The following CHAD variants were observed in gnomAD, a reference collection of about 807,000 sequenced individuals.
The protein encoded by CHAD is cartilage leucine-rich protein.
A neutral mutation model predicts 24.0 loss-of-function variants in CHAD; 18 were observed. The ratio of observed to expected loss-of-function variants is 0.75; its 90% CI spans 0.52 to 1.11. The LOEUF (loss-of-function observed/expected upper bound fraction) is 1.11, where lower values mean the gene tolerates loss of function less well. Ranked by LOEUF, CHAD falls within the 50% of genes most tolerant of loss-of-function variation. The pLI, the probability that CHAD is intolerant of heterozygous loss-of-function variation, is 0.00. For synonymous variants in CHAD, 195 were observed against 211.6 expected, an observed-to-expected ratio of 0.92 and a Z score of 0.68; for missense variants, 440 against 467.2, an observed-to-expected ratio of 0.94 and a Z score of 0.54.
In CHAD at chr17:50,465,720, G is replaced by A. The variant is rs138200891; in HGVS notation, c.925C>T (p.Arg309Trp). The A allele has an allele frequency of 4.0e-5, 65 of 1,613,508 alleles. No individual in the cohort carries two copies. The highest frequency in any genetic ancestry group is 1.5e-4 in the South Asian group (14 of 91,042). Residue 309 changes from arginine (R) to tryptophan (W), a missense_variant, in exon 2 of 4, where the codon CGG becomes TGG. Transcript: ENST00000508540. ...NNPWKCTCQLRGLRRWLEAKA... is the reference protein window; with the variant it reads ...NNPWKCTCQLWGLRRWLEAKA... ...AAGTGTTCTTACCGCCGAAGGCCCC[G>A]GAGCTGGCAGGTACACTTCCAGGGG...
rs577577426 is a variant in CHAD, at chr17:50,464,771, G to C, written c.*283C>G. The C allele has an allele frequency of 6.7e-5, 22 of 328,800 alleles. No homozygotes were observed. The highest frequency in any genetic ancestry group is 3.3e-4 in the South Asian group (15 of 44,828). The allele number at this position is 328,800 out of a possible 1,614,324, so 20.4% of individuals were successfully genotyped here. ...ACCTGTTGTGGTTCTGATTGACTTG[G>C]GGGGGGGGTCTCAGCAACAGCTTCT... On this transcript the variant is annotated 3_prime_UTR_variant, in exon 4 of 4. Transcript: ENST00000508540.
rs753937932 is a variant in CHAD at position 50,465,857 on chromosome 17, G to C, written c.788C>G (p.Ala263Gly). 6.8e-6 allele frequency: 11 copies of C among 1,613,768 alleles called. No individual in the cohort carries two copies. The East Asian group carries it at 1.1e-4, about 16-fold the overall frequency. ...NTNLEKFSDGAFLGVTTLKHV... is the reference protein window; with the variant it reads ...NTNLEKFSDGGFLGVTTLKHV... ...TTTCAGCGTGGTTACACCCAGGAAG[G>C]CACCATCTGAGAACTGGGGAGCAAG... Residue 263 changes from alanine (A) to glycine (G), a missense_variant, in exon 2 of 4, where the codon GCC becomes GGC. Transcript: ENST00000508540.
At chr17:50,467,241 G>A (rs946659759) in intron 1 of CHAD, among the ~76,000 whole-genome samples, 1 of 152,208 alleles carries the variant, frequency 6.6e-6, no homozygotes, top group African/African-American at 2.4e-5. Context: ...GTCTAGTGAC[G>A]GAGGAGGGCA....
rs796246100 is a variant in CHAD, at chr17:50,468,797, A to G, written c.17T>C (p.Leu6Pro). ...AGCCAGGAGGCCGAGGCTGAGCAAG[A>G]GCATTGGGCGGACCATGGCTGGGAC... MVRPM[L>P]LLSLGLLAGL... Residue 6 changes from leucine (L) to proline (P), a missense_variant, in exon 1 of 4, where the codon CTC becomes CCC. By Grantham distance (98) the Leu-to-Pro change is moderately conservative. Transcript: ENST00000508540. The G allele has an allele frequency of 1.3e-6, 2 of 1,551,138 alleles. No homozygotes were observed. The highest frequency in any genetic ancestry group is 2.7e-5 in the African/African-American group (2 of 73,626).
chr17:50,465,166 C>T, intron 3 of CHAD, 117 bp from the exon 4 acceptor site: 1 of 1,129,196 alleles, frequency 8.9e-7, no homozygotes, highest in Non-Finnish European at 1.3e-6. Flanking sequence ...CCAGTCGTCC[C>T]CTCCTCTCTC....
chr17:50,465,987 G>T, intron 1 of CHAD, 117 bp from the exon 2 acceptor site: 1 of 1,110,710 alleles, frequency 9.0e-7, no homozygotes, highest in Non-Finnish European at 1.3e-6. Context: ...ACTTTGAGGA[G>T]TTTCCCAGTT....
At position 50,465,347 on chromosome 17, in the gene CHAD, C is replaced by T. The variant is rs146998244; in HGVS notation, c.1031G>A (p.Arg344His). Residue 344 changes from arginine to histidine, a missense_variant, in exon 3 of 4, where the codon CGC becomes CAC. Transcript: ENST00000508540. The part of the protein sequence containing the change: ...GQHIRDTDAF[R>H]SCKFPTKRSK... ...CCTCTTGGTGGGGAACTTGCAGCTGCGGAAGGCGTCCGTGTCACGGATGTG... is the reference window on the plus strand; with the variant it reads ...CCTCTTGGTGGGGAACTTGCAGCTGTGGAAGGCGTCCGTGTCACGGATGTG... The T allele has an allele frequency of 9.0e-5, 145 of 1,613,894 alleles. No individual in the cohort carries two copies. The highest frequency in any genetic ancestry group is 2.0e-4 in the East Asian group (9 of 44,874).
chr17:50,466,341 A>G (rs1354241660), intron 1 of CHAD, among the ~76,000 whole-genome samples: 1 of 152,094 alleles, frequency 6.6e-6, no homozygotes, highest in Non-Finnish European at 1.5e-5. Flanking sequence ...TACCCGCCTC[A>G]GCCTCCCAAA....
chr17:50,465,577 T>C, intron 2 of CHAD, 130 bp downstream of exon 2: 1 of 1,469,480 alleles, frequency 6.8e-7, no homozygotes, highest in South Asian at 1.3e-5. Context: ...ATGGGGAAAC[T>C]GAGGCTCCCA....
Position 50,468,738 on chromosome 17 carries a change from T to C in CHAD, c.76A>G (p.Asn26Asp). ...LLPALAACPQ[N>D]CHCHSDLQHV... ...TGCAGGTCGCTGTGGCAGTGGCAGT[T>C]CTGGGGGCAGGCGGCCAGCGCCGGC... is the stretch of plus-strand genomic sequence containing the variant. Residue 26 changes from asparagine (N) to aspartate (D), a missense_variant, in exon 1 of 4, where the codon AAC becomes GAC. Transcript: ENST00000508540. 6.2e-7 allele frequency: 1 copy of C among 1,608,420 alleles called. No homozygotes were observed. The highest frequency in any genetic ancestry group is 8.5e-7 in the Non-Finnish European group (1 of 1,179,042).
At position 50,468,878 on chromosome 17, in the gene CHAD, C is replaced by T. The variant is rs959815617; in HGVS notation, c.-65G>A. Reference sequence around the variant, plus strand: ...CGGCGGGGCGCGGGCAGCGGCGAGTCCTAGGCGCTCGGGTCTGCCGCCCTC... The same window carrying T: ...CGGCGGGGCGCGGGCAGCGGCGAGTTCTAGGCGCTCGGGTCTGCCGCCCTC... On this transcript the variant is annotated 5_prime_UTR_variant, in exon 1 of 4. Coordinates refer to ENST00000508540, the MANE Select transcript of CHAD (RefSeq NM_001267.3). 9.0e-6 allele frequency: 13 copies of T among 1,440,612 alleles called. No homozygotes were observed. The South Asian group carries it at 1.8e-4, about 20-fold the overall frequency. 89.2% of individuals were successfully genotyped at this position (1,440,612 alleles called of 1,614,324 possible).
rs1419875592 is a variant in CHAD at position 50,464,509 on chromosome 17, T to A, written c.*545A>T. 1.5e-6 allele frequency: 1 copy of A among 683,602 alleles called. No homozygotes were observed. The highest frequency in any genetic ancestry group is 2.7e-6 in the Non-Finnish European group (1 of 373,746). The allele number at this position is 683,602 out of a possible 1,614,324, so 42.3% of individuals were successfully genotyped here. ...CAGGGGAGTAAATATAATACATACA[T>A]ACATTTATATTTATAGAAATCTCAG... On this transcript the variant is annotated 3_prime_UTR_variant, in exon 4 of 4. Coordinates refer to ENST00000508540, the MANE Select transcript of CHAD (RefSeq NM_001267.3).
rs202242428 is a variant in CHAD at position 50,468,388 on chromosome 17, C to A, written c.426G>T (p.Leu142Phe). The A allele has an allele frequency of 6.2e-7, 1 of 1,614,092 alleles. No individual in the cohort carries two copies. The highest frequency in any genetic ancestry group is 8.5e-7 in the Non-Finnish European group (1 of 1,180,020). ...HNKVTELPRG[L>F]LSPLVNLFIL... ...TGAAGAGGTTGACCAGCGGGGAGAGCAACCCCCGGGGCAGCTCAGTGACCT... is the reference window on the plus strand; with the variant it reads ...TGAAGAGGTTGACCAGCGGGGAGAGAAACCCCCGGGGCAGCTCAGTGACCT... Residue 142 changes from leucine to phenylalanine, a missense_variant, in exon 1 of 4, where the codon TTG (leucine) becomes TTT (phenylalanine). By Grantham distance (22) the Leu-to-Phe change is conservative (BLOSUM62 0). Coordinates refer to ENST00000508540, the MANE Select transcript of CHAD (RefSeq NM_001267.3).
intron 1 of CHAD, among the ~76,000 whole-genome samples, chr17:50,467,411 A>G (rs1490391731): frequency 6.6e-6 from 1 of 152,208 alleles, no homozygotes; most frequent in Non-Finnish European, 1.5e-5. Context: ...CCTTGGTCCC[A>G]CGCCTACTGA....
Position 50,464,519 on chromosome 17 carries a change from T to C in CHAD, c.*535A>G. 1 of 674,314 alleles carries C rather than the reference T, an allele frequency of 1.5e-6. No homozygotes were observed. Among genetic ancestry groups the C allele is most frequent in the East Asian group, 2.9e-5 (1 of 34,762 alleles). The allele number at this position is 674,314 out of a possible 1,614,324, so 41.8% of individuals were successfully genotyped here. A position where few individuals can be genotyped will look rare whatever the true frequency, so the allele number is the denominator to read the frequency against. On this transcript the variant is annotated 3_prime_UTR_variant, in exon 4 of 4. Coordinates refer to ENST00000508540, the MANE Select transcript of CHAD (RefSeq NM_001267.3). ...AATATAATACATACATACATTTATA[T>C]TTATAGAAATCTCAGGAAGAAATTG...
At position 50,468,760 on chromosome 17, in the gene CHAD, C is replaced by CGGCAGCAGACCA; in HGVS notation, c.42_53dup (p.Gly15_Pro18dup). On this transcript the variant is annotated inframe_insertion, in exon 1 of 4. Transcript: ENST00000508540. ...AGTTCTGGGGGCAGGCGGCCAGCGC[C>CGGCAGCAGACCA]GGCAGCAGACCAGCCAGGAGGCCGA... 6.3e-7 allele frequency: 1 copy of CGGCAGCAGACCA among 1,593,274 alleles called. No individual in the cohort carries two copies. The highest frequency in any genetic ancestry group is 8.5e-7 in the Non-Finnish European group (1 of 1,173,592).
In CHAD at chr17:50,464,868, C is replaced by G. The variant is rs1567858634; in HGVS notation, c.*186G>C. 1 of 354,342 alleles carries G rather than the reference C, an allele frequency of 2.8e-6. No homozygotes were observed. The highest frequency in any genetic ancestry group is 5.5e-6 in the Non-Finnish European group (1 of 181,160). The allele number at this position is 354,342 out of a possible 1,614,324, so 21.9% of individuals were successfully genotyped here. On this transcript the variant is annotated 3_prime_UTR_variant, in exon 4 of 4. Transcript: ENST00000508540. ...CTCAGCCTTCCTTCTCCCCAGGACA[C>G]TGCTGGGTGGAGCTGGGTTGGTAGT...
Position 50,464,600 on chromosome 17 carries a change from G to C in CHAD, c.*454C>G, listed in dbSNP as rs1013831362. On this transcript the variant is annotated 3_prime_UTR_variant, in exon 4 of 4. Coordinates refer to ENST00000508540, the MANE Select transcript of CHAD (RefSeq NM_001267.3). ...ATGTCCTGCTAGAACGTCCTGGCAG[G>C]TGGGGGCTGGCAGAGTTGGGGCATG... The C allele has an allele frequency of 4.7e-5, 26 of 550,562 alleles. No individual in the cohort carries two copies. Among genetic ancestry groups the C allele is most frequent in the African/African-American group, 4.3e-4 (23 of 53,468 alleles). 34.1% of individuals were successfully genotyped at this position (550,562 alleles called of 1,614,324 possible).
chr17:50,466,787 G>A (rs1453227644), intron 1 of CHAD, among the ~76,000 whole-genome samples: 7 of 152,194 alleles, frequency 4.6e-5, no homozygotes, highest in Non-Finnish European at 8.8e-5. Context: ...TTGCCCAGGC[G>A]CCACAATTCC....
Sources: allele counts gnomAD v4.1 joint callset (sites outside exome capture counted in the v4.1 genomes callset), GRCh38; gene constraint gnomAD v4.1.1; transcripts MANE v1.5; gene names NCBI Gene and HGNC (gene_info 2026-07-23, HGNC 2026-07-21).